The following ZCCHC10 variants were observed in gnomAD, a reference collection of about 807,000 sequenced individuals.
ZCCHC10 encodes zinc finger CCHC domain-containing protein 10.
ZCCHC10 carries 16 observed loss-of-function variants against 19.5 expected under a neutral mutation model. The ratio of observed to expected loss-of-function variants is 0.82; its 90% CI spans 0.56 to 1.25. The LOEUF is 1.25. Among genes scored for constraint, ZCCHC10 ranks in the 50% most tolerant of loss-of-function variants. The pLI is 0.00. For missense variants in ZCCHC10, 197 were observed against 201.0 expected (o/e 0.98, Z 0.12); for synonymous variants, 67 against 72.5 (o/e 0.92, Z 0.38).
At chr5:133,001,864 T>C (rs1762794015) in intron 3 of ZCCHC10, among the ~76,000 whole-genome samples, 1 of 151,622 alleles carries the variant, frequency 6.6e-6, no homozygotes, top group Non-Finnish European at 1.5e-5. Flanking sequence ...TTTTACACAA[T>C]GGAATTACTT....
intron 2 of ZCCHC10, among the ~76,000 whole-genome samples, chr5:133,008,266 G>T (rs543608736): frequency 2.0e-5 from 3 of 149,422 alleles, no homozygotes; most frequent in Non-Finnish European, 4.4e-5. Flanking sequence ...CAGGCCGGGA[G>T]CAGTGGCTCA....
At chr5:133,003,743 C>T (rs915363927) in intron 3 of ZCCHC10, among the ~76,000 whole-genome samples, 2 of 152,174 alleles carry the variant, frequency 1.3e-5, no homozygotes, top group African/African-American at 4.8e-5. Flanking sequence ...TACAGTCTCA[C>T]TGTATCACCC....
chr5:133,024,734 T>C (rs1196009538), intron 1 of ZCCHC10, among the ~76,000 whole-genome samples: 1 of 152,126 alleles, frequency 6.6e-6, no homozygotes, highest in African/African-American at 2.4e-5. Flanking sequence ...AAACCCCGTC[T>C]CTACTAAAAA....
rs191707346 is a variant in ZCCHC10 at position 132,997,690 on chromosome 5, T to G, written c.*893A>C. On this transcript the variant is annotated 3_prime_UTR_variant, in exon 5 of 5. Coordinates refer to ENST00000509437, the MANE Select transcript of ZCCHC10 (RefSeq NM_001300816.3). Reference sequence around the variant, plus strand: ...TCTTTATGAAAGCTTAAAAAAAGCTTTTAATAAAAGGCGACCAACATTGCC... The same window carrying G: ...TCTTTATGAAAGCTTAAAAAAAGCTGTTAATAAAAGGCGACCAACATTGCC... 2 of 152,270 alleles carry G rather than the reference T, an allele frequency of 1.3e-5. No homozygotes were observed. The highest frequency in any genetic ancestry group is 3.9e-4 in the East Asian group (2 of 5,190). 9.4% of individuals were successfully genotyped at this position (152,270 alleles called of 1,614,324 possible).
Position 133,013,940 on chromosome 5 carries a change from T to C in ZCCHC10, c.108-7020A>G, listed in dbSNP as rs137876247. 4.8e-3 allele frequency among the ~76,000 whole-genome samples: 728 copies of C among 152,238 alleles called. 16 individuals carry two copies. The highest frequency in any genetic ancestry group is 7.3e-3 in the East Asian group (38 of 5,188). The stretch of plus-strand genomic sequence containing the variant: ...TATTTACAATATTGCTTTTCCTTTA[T>C]GTATTATAGCTTTTAAAAATTTTCA... On this transcript the variant is annotated intron_variant, in intron 2 of 4. Coordinates refer to ENST00000509437, the MANE Select transcript of ZCCHC10 (RefSeq NM_001300816.3).
At chr5:133,012,110 C>T (rs1763580965) in intron 2 of ZCCHC10, among the ~76,000 whole-genome samples, 1 of 135,816 alleles carries the variant, frequency 7.4e-6, no homozygotes, top group Non-Finnish European at 1.5e-5. Flanking sequence ...GCACCCTAGC[C>T]TGAGCGACAG....
intron 3 of ZCCHC10, 140 bp from the exon 4 acceptor site, chr5:133,000,313 C>A (rs1762686894): frequency 5.5e-6 from 5 of 916,706 alleles, no homozygotes; most frequent in East Asian, 5.5e-5. Context: ...TACAGTATTT[C>A]TTATTATAAG....
At chr5:133,024,680 T>A (rs903810463) in intron 1 of ZCCHC10, among the ~76,000 whole-genome samples, 1 of 152,156 alleles carries the variant, frequency 6.6e-6, no homozygotes, top group Admixed American at 6.6e-5. Context: ...GGTGGGCAGA[T>A]CACTTGACAT....
At position 133,014,246 on chromosome 5, in the gene ZCCHC10, G is replaced by A. The variant is rs192865207; in HGVS notation, c.108-7326C>T. Among the ~76,000 whole-genome samples the A allele has an allele frequency of 1.6e-4, 22 of 140,992 alleles. No individual in the cohort carries two copies. The East Asian group carries it at 4.1e-3, about 26-fold the overall frequency. The allele number at this position is 140,992 out of a possible 152,430, so 92.5% of individuals were successfully genotyped here. On this transcript the variant is annotated intron_variant, in intron 2 of 4. Coordinates refer to ENST00000509437, the MANE Select transcript of ZCCHC10 (RefSeq NM_001300816.3). The stretch of plus-strand genomic sequence containing the variant: ...GCGATTTCAGCTCGCTACAACCTCC[G>A]CCTCCCAGGTTCAAGCAATTCTCCT...
At chr5:133,025,123 T>C (rs921379233) in intron 1 of ZCCHC10, among the ~76,000 whole-genome samples, 1 of 152,030 alleles carries the variant, frequency 6.6e-6, no homozygotes, top group African/African-American at 2.4e-5. Flanking sequence ...GAGCTACATA[T>C]AGACATGAAA....
intron 3 of ZCCHC10, among the ~76,000 whole-genome samples, chr5:133,005,218 C>T (rs1763035900): frequency 6.6e-6 from 1 of 151,946 alleles, no homozygotes; most frequent in Admixed American, 6.6e-5. Flanking sequence ...ATCACATGAA[C>T]CTGGGAAGCA....
At chr5:133,025,418 G>A (rs576534402) in intron 1 of ZCCHC10, among the ~76,000 whole-genome samples, 4 of 150,256 alleles carry the variant, frequency 2.7e-5, no homozygotes, top group Non-Finnish European at 5.9e-5. Context: ...GCAGGGGAAC[G>A]GCGTGAACCC....
In ZCCHC10 at chr5:132,997,576, A is replaced by G. The variant is rs1762506695; in HGVS notation, c.*1007T>C. ...TATGTAAACACACCAGATTAATCCT[A>G]GTCATTCATATATATGCAGTAGACT... On this transcript the variant is annotated 3_prime_UTR_variant, in exon 5 of 5. Coordinates refer to ENST00000509437, the MANE Select transcript of ZCCHC10 (RefSeq NM_001300816.3). The G allele has an allele frequency of 6.6e-6, 1 of 152,164 alleles. No homozygotes were observed. Among genetic ancestry groups the G allele is most frequent in the Non-Finnish European group, 1.5e-5 (1 of 68,012 alleles). The allele number at this position is 152,164 out of a possible 1,614,324, so 9.4% of individuals were successfully genotyped here.
Position 133,026,516 on chromosome 5 carries a change from G to A in ZCCHC10, c.22C>T (p.Leu8=). The A allele has an allele frequency of 6.2e-7, 1 of 1,613,848 alleles. No individual in the cohort carries two copies. The highest frequency in any genetic ancestry group is 8.5e-7 in the Non-Finnish European group (1 of 1,179,974). ...ACTTACGCTTGTCTCCGGGCTATTA[G>A]CCGATGCATGGGAGTCGCCATCTTA... MATPMHR[L]IARRQAFDTE... is the part of the protein sequence containing the mutation. Residue 8 remains leucine (L), a synonymous_variant, in exon 1 of 5, where the codon CTA becomes TTA. Coordinates refer to ENST00000509437, the MANE Select transcript of ZCCHC10 (RefSeq NM_001300816.3).
intron 1 of ZCCHC10, 84 bp downstream of exon 1, chr5:133,026,413 C>G (rs1764718708): frequency 1.3e-6 from 2 of 1,553,192 alleles, no homozygotes; most frequent in African/African-American, 1.4e-5. Context: ...TCCGCCGGTC[C>G]CAATAGGGGT....
intron 2 of ZCCHC10, among the ~76,000 whole-genome samples, chr5:133,012,154 AAG>A (rs533100601): frequency 0.57 from 43,068 of 75,512 alleles, 10,195 homozygotes; most frequent in South Asian, 0.62. Flanking sequence ...AAAAAAAAAA[AAG>A]AAAGAAAGAA....
intron 2 of ZCCHC10, among the ~76,000 whole-genome samples, chr5:133,022,181 A>T (rs546444920): frequency 2.6e-5 from 4 of 152,044 alleles, no homozygotes; most frequent in African/African-American, 7.2e-5. Flanking sequence ...CTGTACAAAA[A>T]TTTTTTCTTT....
chr5:133,006,179 T>C, intron 3 of ZCCHC10, among the ~76,000 whole-genome samples: 1 of 151,922 alleles, frequency 6.6e-6, no homozygotes, highest in Non-Finnish European at 1.5e-5. Context: ...GGGATGGAAT[T>C]TCACCATGTT....
At chr5:133,022,485 C>A (rs979094152) in intron 2 of ZCCHC10, among the ~76,000 whole-genome samples, 1 of 150,674 alleles carries the variant, frequency 6.6e-6, no homozygotes. Flanking sequence ...GACAGACTCT[C>A]GGTCTGTCGC....
Sources: allele counts gnomAD v4.1 joint callset (sites outside exome capture counted in the v4.1 genomes callset), GRCh38; gene constraint gnomAD v4.1.1; transcripts MANE v1.5; gene names NCBI Gene and HGNC (gene_info 2026-07-23, HGNC 2026-07-21).